Variants in MCOLN1 observed in about 807,000 individuals in gnomAD.
The protein encoded by MCOLN1 is mucolipin TRP cation channel 1, also known as mucolipin-1.
A neutral mutation model predicts 70.3 loss-of-function variants in MCOLN1; 50 were observed. That is an observed-to-expected ratio of 0.71 (90% CI 0.57 to 0.90). MCOLN1 has a LOEUF of 0.90. Ranked by LOEUF, MCOLN1 falls within the 40% of genes least tolerant of loss-of-function variation. The pLI, the probability that MCOLN1 is intolerant of heterozygous loss-of-function variation, is 0.00. For missense variants in MCOLN1, 598 were observed against 803.5 expected, an observed-to-expected ratio of 0.74 and a Z score of 3.09; for synonymous variants, 366 against 341.0, an observed-to-expected ratio of 1.07 and a Z score of -0.81.
rs1599250785 is a variant in MCOLN1, at chr19:7,522,713, C to T, written c.-38C>T. On this transcript the variant is annotated 5_prime_UTR_variant, in exon 1 of 14. Coordinates refer to ENST00000264079, the MANE Select transcript of MCOLN1 (RefSeq NM_020533.3). The stretch of plus-strand genomic sequence containing the variant: ...GGCGGGCGATCGGACCCAGGCTGCC[C>T]CGCCGTACCCGCCTGCGTCCCGCGC... The T allele has an allele frequency of 6.9e-7, 1 of 1,451,660 alleles. No individual in the cohort carries two copies. The highest frequency in any genetic ancestry group is 2.4e-5 in the Admixed American group (1 of 40,900). 89.9% of individuals were successfully genotyped at this position (1,451,660 alleles called of 1,614,324 possible).
rs1400844011 is a variant in MCOLN1 at position 7,528,985 on chromosome 19, C to T, written c.1134+15C>T. The T allele has an allele frequency of 1.9e-6, 3 of 1,614,088 alleles. No individual in the cohort carries two copies. Among genetic ancestry groups the T allele is most frequent in the Non-Finnish European group, 2.5e-6 (3 of 1,180,014 alleles). The stretch of plus-strand genomic sequence containing the variant: ...TCGAGGCCAAGGTGCGTCCTGCCAA[C>T]ACCCTGGGCCCCAGGTCCCATCCCT... On this transcript the variant is annotated intron_variant, in intron 9 of 13. Transcript: ENST00000264079. This position sits in a 1 kb window ranked among gnomAD's most constrained non-coding sequence, Gnocchi z 4.2.
intron 12 of MCOLN1, among the ~76,000 whole-genome samples, chr19:7,532,238 G>C (rs2022662283): frequency 1.3e-5 from 2 of 152,196 alleles, no homozygotes; most frequent in Admixed American, 1.3e-4. Flanking sequence ...TGTGGGCAAG[G>C]ATGGCACAGG....
At chr19:7,529,843 A>G in intron 11 of MCOLN1, 131 bp downstream of exon 11, 2 of 1,099,908 alleles carry the variant, frequency 1.8e-6, no homozygotes, top group Non-Finnish European at 2.8e-6. Flanking sequence ...TGACCCTGAC[A>G]CTGACCCTGT....
In MCOLN1 at chr19:7,529,109, G is replaced by GGGC; in HGVS notation, c.1143_1144insGGC (p.Ala381_Ser382insGly). Reference sequence around the variant, plus strand: ...GCAGCTCCCACCCGCAGAACTTGGCGAGCTACGACGTCTGCAGCATCCTCC... The same window carrying GGGC: ...GCAGCTCCCACCCGCAGAACTTGGCGGGCAGCTACGACGTCTGCAGCATCCTCC... On this transcript the variant is annotated inframe_insertion, in exon 10 of 14. Transcript: ENST00000264079. 1 of 1,613,912 alleles carries GGGC rather than the reference G, an allele frequency of 6.2e-7. No individual in the cohort carries two copies.
rs140148914 is a variant in MCOLN1, at chr19:7,526,807, G to A, written c.452G>A (p.Arg151His). The A allele has an allele frequency of 2.0e-5, 32 of 1,614,214 alleles. No individual in the cohort carries two copies. Among genetic ancestry groups the A allele is most frequent in the South Asian group, 1.1e-4 (10 of 91,084 alleles). Residue 151 changes from arginine to histidine, a missense_variant, in exon 4 of 14, where the codon CGT (arginine) becomes CAT (histidine). Arg to His is a conservative substitution (Grantham distance 29). Coordinates refer to ENST00000264079, the MANE Select transcript of MCOLN1 (RefSeq NM_020533.3). This position sits in a 1 kb window ranked among gnomAD's most constrained non-coding sequence, Gnocchi z 4.6. The stretch of plus-strand genomic sequence containing the variant: ...TCACTGGGCCGGTATGCGTATGTCC[G>A]TGGTGGGGGTGACCCTTGGACCAAT... ...DVSLGRYAYV[R>H]GGGDPWTNGS...
intron 12 of MCOLN1, among the ~76,000 whole-genome samples, chr19:7,532,110 G>A (rs1204083654): frequency 2.0e-5 from 3 of 152,246 alleles, no homozygotes; most frequent in Non-Finnish European, 2.9e-5. Flanking sequence ...AGGGGACAGA[G>A]CAGGATGCGG....
At position 7,522,801 on chromosome 19, in the gene MCOLN1, CGT is replaced by C. The variant is rs1249722184; in HGVS notation, c.31+22_31+23del. On this transcript the variant is annotated intron_variant, in intron 1 of 13. Transcript: ENST00000264079. The stretch of plus-strand genomic sequence containing the variant: ...GCTCAGGTGAGGGCGCGGGCGGCAC[CGT>C]GGGGCCCCGAACTCAGGCGGGCGGG... 7.5e-7 allele frequency: 1 copy of C among 1,324,554 alleles called. No homozygotes were observed. Among genetic ancestry groups the C allele is most frequent in the Non-Finnish European group, 9.6e-7 (1 of 1,041,834 alleles). 82.1% of individuals were successfully genotyped at this position (1,324,554 alleles called of 1,614,324 possible).
In MCOLN1 at chr19:7,533,937, C is replaced by T; in HGVS notation, c.*142C>T. On this transcript the variant is annotated 3_prime_UTR_variant, in exon 14 of 14. Coordinates refer to ENST00000264079, the MANE Select transcript of MCOLN1 (RefSeq NM_020533.3). ...AGGGCCTGGACCTTTCGTGTCGGAC[C>T]CTTGGGGGCGGGGAGACTGGGTGGG... The T allele has an allele frequency of 5.3e-6, 5 of 942,096 alleles. No individual in the cohort carries two copies. The East Asian group carries it at 1.0e-4, about 20-fold the overall frequency. The allele number at this position is 942,096 out of a possible 1,614,324, so 58.4% of individuals were successfully genotyped here.
chr19:7,522,829 C>A (rs2022514234), intron 1 of MCOLN1, 48 bp downstream of exon 1: 2 of 1,306,776 alleles, frequency 1.5e-6, no homozygotes, highest in Admixed American at 4.2e-5. Flanking sequence ...GGCGGGCGGG[C>A]TGTGTCTCCC....
At position 7,522,701 on chromosome 19, in the gene MCOLN1, A is replaced by G; in HGVS notation, c.-50A>G. ...CGCAGTGACAGCGGCGGGCGATCGG[A>G]CCCAGGCTGCCCCGCCGTACCCGCC... On this transcript the variant is annotated 5_prime_UTR_variant, in exon 1 of 14. Coordinates refer to ENST00000264079, the MANE Select transcript of MCOLN1 (RefSeq NM_020533.3). 5.6e-6 allele frequency: 8 copies of G among 1,436,016 alleles called. 1 individual carries two copies. In the South Asian group the frequency reaches 1.1e-4, roughly 21 times the overall value. The allele number at this position is 1,436,016 out of a possible 1,614,324, so 89.0% of individuals were successfully genotyped here.
At position 7,528,253 on chromosome 19, in the gene MCOLN1, G is replaced by A; in HGVS notation, c.873G>A (p.Gln291=). Residue 291 remains glutamine (Q), a synonymous_variant, in exon 7 of 14, where the codon CAG becomes CAA. Transcript: ENST00000264079. This position sits in a 1 kb window ranked among gnomAD's most constrained non-coding sequence, Gnocchi z 4.2. ...AGTGTAAGCACCCCAGTGTCTTCCA[G>A]CACGGTGAGCCCCTGAGCCCCAGAC... is the stretch of plus-strand genomic sequence containing the variant. ...IQECKHPSVF[Q]HGDNSFRLLF... is the part of the protein sequence containing the mutation. The A allele has an allele frequency of 6.2e-7, 1 of 1,613,954 alleles. No homozygotes were observed. Among genetic ancestry groups the A allele is most frequent in the Non-Finnish European group, 8.5e-7 (1 of 1,179,832 alleles).
intron 12 of MCOLN1, 131 bp downstream of exon 12, chr19:7,530,632 A>C: frequency 2.1e-6 from 2 of 940,408 alleles, no homozygotes; most frequent in African/African-American, 1.6e-5. Context: ...TATGAAACCA[A>C]AAAGAGGGTG....
In MCOLN1 at chr19:7,525,846, T is replaced by G; in HGVS notation, c.238-593T>G. 1 of 171,986 alleles carries G rather than the reference T, an allele frequency of 5.8e-6. No homozygotes were observed. The highest frequency in any genetic ancestry group is 1.3e-5 in the Non-Finnish European group (1 of 78,836). 10.7% of individuals were successfully genotyped at this position (171,986 alleles called of 1,614,324 possible). A position where few individuals can be genotyped will look rare whatever the true frequency, so the allele number is the denominator to read the frequency against. On this transcript the variant is annotated intron_variant, in intron 2 of 13. Transcript: ENST00000264079. This position sits in a 1 kb window ranked among gnomAD's most constrained non-coding sequence, Gnocchi z 4.2. ...GGGAGGCTGAGTTGGGTGGATCATT[T>G]GAGGCCAGGAGTTTGAGACCAGCCT... is the stretch of plus-strand genomic sequence containing the variant.
In MCOLN1 at chr19:7,522,652, A is replaced by G. The variant is rs2022509470; in HGVS notation, c.-99A>G. ...GATCAGCTGATGCCGGAGGGTTTGA[A>G]GCCGCGCCGCGAGGGAGCGAGGTCG... On this transcript the variant is annotated 5_prime_UTR_variant, in exon 1 of 14. Coordinates refer to ENST00000264079, the MANE Select transcript of MCOLN1 (RefSeq NM_020533.3). The G allele has an allele frequency of 4.6e-6, 6 of 1,304,228 alleles. No individual in the cohort carries two copies. Among genetic ancestry groups the G allele is most frequent in the Non-Finnish European group, 6.1e-6 (6 of 985,762 alleles). The allele number at this position is 1,304,228 out of a possible 1,614,324, so 80.8% of individuals were successfully genotyped here.
chr19:7,530,494 C>T lies in MCOLN1; in HGVS notation c.1568C>T (p.Thr523Ile). The change falls in exon 12 of 14, where the codon ACC becomes ATC. Residue 523 changes from threonine (T) to isoleucine (I), a missense_variant. Physicochemically the swap from Thr to Ile is moderately conservative, Grantham distance 89 (BLOSUM62 -1). Coordinates refer to ENST00000264079, the MANE Select transcript of MCOLN1 (RefSeq NM_020533.3). ...GCGCTCATCACCGGCGCCTACGACA[C>T]CATCAAGGTCAGCCGCATGCACCCA... ...FIALITGAYD[T>I]IKHPGGAGAE... 6.2e-7 allele frequency: 1 copy of T among 1,609,162 alleles called. No individual in the cohort carries two copies. Among genetic ancestry groups the T allele is most frequent in the South Asian group, 1.1e-5 (1 of 91,078 alleles).
Position 7,533,425 on chromosome 19 carries a change from G to C in MCOLN1, c.1576-98G>C. 7 of 1,534,110 alleles carry C rather than the reference G, an allele frequency of 4.6e-6. No homozygotes were observed. The South Asian group carries it at 8.1e-5, about 18-fold the overall frequency. ...CAGCAAGTGCAAAGGCCCGGAGGTG[G>C]GAAGCGATGCAGATATGGCTGGAGG... is the stretch of plus-strand genomic sequence containing the variant. On this transcript the variant is annotated intron_variant, in intron 12 of 13. Transcript: ENST00000264079.
At position 7,522,682 on chromosome 19, in the gene MCOLN1, G is replaced by C. The variant is rs1046590487; in HGVS notation, c.-69G>C. On this transcript the variant is annotated 5_prime_UTR_variant, in exon 1 of 14. It removes the in-frame stop codon of an upstream open reading frame in the 5' UTR. Transcript: ENST00000264079. ...CGCCGCGAGGGAGCGAGGTCGCAGT[G>C]ACAGCGGCGGGCGATCGGACCCAGG... 2.8e-6 allele frequency: 4 copies of C among 1,418,780 alleles called. No homozygotes were observed. In the African/African-American group the frequency reaches 4.5e-5, roughly 16 times the overall value. 87.9% of individuals were successfully genotyped at this position (1,418,780 alleles called of 1,614,324 possible). A position where few individuals can be genotyped will look rare whatever the true frequency, so the allele number is the denominator to read the frequency against.
chr19:7,531,197 CTATTAT>C (rs1004342234), intron 12 of MCOLN1, among the ~76,000 whole-genome samples: 25 of 150,700 alleles, frequency 1.7e-4, no homozygotes, highest in African/African-American at 5.9e-4. Flanking sequence ...CACACCCAGC[CTATTAT>C]TATTATTTTT....
Position 7,529,632 on chromosome 19 carries a change from C to T in MCOLN1, c.1279C>T (p.Arg427Cys), listed in dbSNP as rs773102399. ...GCGGGTGGCCCTGCCCAGCGTCATGCGCTTCTGCTGCTGCGTGGCTGTCAT... is the reference window on the plus strand; with the variant it reads ...GCGGGTGGCCCTGCCCAGCGTCATGTGCTTCTGCTGCTGCGTGGCTGTCAT... The part of the protein sequence containing the change: ...TLRVALPSVM[R>C]FCCCVAVIYL... The change falls in exon 11 of 14, where the codon CGC becomes TGC. Residue 427 changes from arginine to cysteine, a missense_variant. Physicochemically the swap from Arg to Cys is radical, Grantham distance 180. This residue lies in a region of MCOLN1 where 78 missense variants were observed against 156.2 expected (regional missense o/e 0.50). Transcript: ENST00000264079. 18 of 1,613,938 alleles carry T rather than the reference C, an allele frequency of 1.1e-5. No individual in the cohort carries two copies. The highest frequency in any genetic ancestry group is 5.0e-5 in the Admixed American group (3 of 59,998).
Sources: allele counts gnomAD v4.1 joint callset (sites outside exome capture counted in the v4.1 genomes callset), GRCh38; gene constraint gnomAD v4.1.1; regional missense constraint gnomAD v4.1.1; non-coding constraint Gnocchi (gnomAD v3.1); transcripts MANE v1.5; gene names NCBI Gene and HGNC (gene_info 2026-07-23, HGNC 2026-07-21).